The following PREX1 variants were observed in gnomAD, a reference collection of about 807,000 sequenced individuals.
PREX1 encodes the protein phosphatidylinositol-3,4,5-trisphosphate dependent Rac exchange factor 1.
Under a neutral mutation model 198.3 loss-of-function variants are expected in PREX1, and 41 were observed. That is an observed-to-expected ratio of 0.21 (90% CI 0.16 to 0.27). The LOEUF (loss-of-function observed/expected upper bound fraction) is 0.27, where lower values mean the gene tolerates loss of function less well. Ranked by LOEUF, PREX1 falls within the 10% of genes least tolerant of loss-of-function variation. The probability of loss-of-function intolerance (pLI) is 1.00; values close to 1 mark genes in which losing one functional copy is unlikely to be tolerated. For missense variants in PREX1, 1,620 were observed against 2,200.7 expected (o/e 0.74, Z 5.28); for synonymous variants, 843 against 887.2 (o/e 0.95, Z 0.89).
In PREX1 at chr20:48,642,171, G is replaced by T; in HGVS notation, c.3772C>A (p.Gln1258Lys). Residue 1258 changes from glutamine to lysine, a missense_variant, in exon 29 of 40, where the codon CAA (glutamine) becomes AAA (lysine). Around this residue, in one of 7 missense-constraint regions of PREX1, gnomAD observed 476 missense variants for 603.4 expected, o/e 0.79. Coordinates refer to ENST00000371941, the MANE Select transcript of PREX1 (RefSeq NM_020820.4). ...CTTGGACTGGCTATCCCCTCACCTT[G>T]TAAGCTGTGGTTCATAGGGAAATGC... is the stretch of plus-strand genomic sequence containing the variant. ...TKHFPMNHSL[Q>K]EFKQKEECTI... 6.2e-7 allele frequency: 1 copy of T among 1,614,008 alleles called. No homozygotes were observed. Among genetic ancestry groups the T allele is most frequent in the Non-Finnish European group, 8.5e-7 (1 of 1,179,860 alleles).
chr20:48,754,206 G>C (rs1421473752), intron 1 of PREX1, among the ~76,000 whole-genome samples: 1 of 152,214 alleles, frequency 6.6e-6, no homozygotes, highest in African/African-American at 2.4e-5. Flanking sequence ...TTATGTGCAG[G>C]TGCTGCTCTA....
At chr20:48,757,119 A>G (rs1466540931) in intron 1 of PREX1, among the ~76,000 whole-genome samples, 1 of 152,156 alleles carries the variant, frequency 6.6e-6, no homozygotes, top group South Asian at 2.1e-4. Context: ...CAGCCAAACC[A>G]TATCAATTCC....
intron 13 of PREX1, 68 bp from the exon 14 acceptor site, chr20:48,676,336 C>A: frequency 1.4e-6 from 2 of 1,456,014 alleles, no homozygotes; most frequent in Middle Eastern, 2.1e-4. Flanking sequence ...GTGGTCCTGA[C>A]TTCCCTGCAG....
At chr20:48,740,030 A>G (rs2122746238) in intron 3 of PREX1, among the ~76,000 whole-genome samples, 1 of 152,278 alleles carries the variant, frequency 6.6e-6, no homozygotes, top group African/African-American at 2.4e-5. Flanking sequence ...AAAGGGGGTG[A>G]GGGACTCTTC....
chr20:48,641,960 A>C (rs2089416919), intron 29 of PREX1, among the ~76,000 whole-genome samples: 1 of 151,992 alleles, frequency 6.6e-6, no homozygotes, highest in African/African-American at 2.4e-5. Flanking sequence ...GAAAGGTCAA[A>C]AGAAAAAGAA....
intron 1 of PREX1, among the ~76,000 whole-genome samples, chr20:48,767,379 G>A (rs1201304769): frequency 2.0e-5 from 3 of 152,144 alleles, no homozygotes; most frequent in Non-Finnish European, 4.4e-5. Flanking sequence ...GAAGCATGAA[G>A]AAGCCCCCTC....
chr20:48,763,684 GA>G (rs770814702), intron 1 of PREX1, among the ~76,000 whole-genome samples: 1 of 152,236 alleles, frequency 6.6e-6, no homozygotes, highest in Admixed American at 6.5e-5. Flanking sequence ...ACAAAAGTGA[GA>G]GAATGTAAAA....
intron 3 of PREX1, among the ~76,000 whole-genome samples, chr20:48,743,592 G>A (rs1164723834): frequency 6.6e-6 from 1 of 152,214 alleles, no homozygotes; most frequent in Non-Finnish European, 1.5e-5. Flanking sequence ...AGGAGCGTCC[G>A]CTATGTGAAT....
At chr20:48,780,838 A>C (rs2090286182) in intron 1 of PREX1, among the ~76,000 whole-genome samples, 2 of 152,214 alleles carry the variant, frequency 1.3e-5, no homozygotes, top group Non-Finnish European at 2.9e-5. Context: ...CAAAATGTCT[A>C]GTAATTACAA....
chr20:48,651,125 T>C, intron 22 of PREX1, 70 bp from the exon 23 acceptor site: 1 of 1,563,354 alleles, frequency 6.4e-7, no homozygotes, highest in South Asian at 1.2e-5. Flanking sequence ...TCACCCACAG[T>C]GACTCCTGTA....
chr20:48,813,555 G>A (rs61247907), intron 1 of PREX1, among the ~76,000 whole-genome samples: 3,315 of 152,268 alleles, frequency 0.022, 124 homozygotes, highest in African/African-American at 0.076. Flanking sequence ...ACAAGAGAAC[G>A]TCTGTCTTCC....
At chr20:48,745,341 G>A (rs931958964) in intron 2 of PREX1, among the ~76,000 whole-genome samples, 194 bp from the exon 3 acceptor site, 58 of 152,118 alleles carry the variant, frequency 3.8e-4, no homozygotes, top group African/African-American at 1.3e-3. Context: ...TACTATAATC[G>A]GAATTAGTGA....
At chr20:48,848,280 G>A in the PREX1 span, among the ~76,000 whole-genome samples, 6 of 147,404 alleles carry the variant, frequency 4.1e-5, no homozygotes, top group South Asian at 6.4e-4. Flanking sequence ...TTTGAGACAA[G>A]CTCTCGTTCT....
At chr20:48,781,983 A>G (rs955137247) in intron 1 of PREX1, among the ~76,000 whole-genome samples, 7 of 152,212 alleles carry the variant, frequency 4.6e-5, no homozygotes, top group African/African-American at 1.2e-4. Context: ...CCTGTTACAG[A>G]TGGTGATGAA....
In PREX1 at chr20:48,703,475, C is replaced by G. The variant is rs549566863; in HGVS notation, c.784-2589G>C. ...GAGGAAGAGCCCCTGGGACCCCCAG[C>G]ATCCTCGCGAACTCCCTGGGGCTTC... On this transcript the variant is annotated intron_variant, in intron 6 of 39. Coordinates refer to ENST00000371941, the MANE Select transcript of PREX1 (RefSeq NM_020820.4). 3.9e-5 allele frequency among the ~76,000 whole-genome samples: 6 copies of G among 152,330 alleles called. No individual in the cohort carries two copies. In the South Asian group the frequency reaches 1.2e-3, roughly 32 times the overall value.
At chr20:48,671,677 G>C (rs947105514) in intron 14 of PREX1, among the ~76,000 whole-genome samples, 1 of 152,190 alleles carries the variant, frequency 6.6e-6, no homozygotes, top group African/African-American at 2.4e-5. Flanking sequence ...GGTGACTCCT[G>C]AAATCAAGAC....
At chr20:48,865,577 A>G in the PREX1 span, among the ~76,000 whole-genome samples, 4 of 152,196 alleles carry the variant, frequency 2.6e-5, no homozygotes, top group African/African-American at 7.2e-5. Context: ...CTGTCTATAG[A>G]GGTGTTGAAC....
chr20:48,626,070 A>C, intron 39 of PREX1, 143 bp from the exon 40 acceptor site: 2 of 893,608 alleles, frequency 2.2e-6, no homozygotes, highest in Non-Finnish European at 3.3e-6. Context: ...AAAAATATCT[A>C]TGCTGTCCAT....
chr20:48,670,505 G>A (rs1264410812), intron 14 of PREX1, among the ~76,000 whole-genome samples: 1 of 152,164 alleles, frequency 6.6e-6, no homozygotes, highest in Non-Finnish European at 1.5e-5. Flanking sequence ...TGCATGTGAC[G>A]GTCGCAGCCT....
Sources: allele counts gnomAD v4.1 joint callset (sites outside exome capture counted in the v4.1 genomes callset), GRCh38; gene constraint gnomAD v4.1.1; regional missense constraint gnomAD v4.1.1; transcripts MANE v1.5; gene names NCBI Gene and HGNC (gene_info 2026-07-23, HGNC 2026-07-21).